The following ANKS1B variants were observed in gnomAD, a reference collection of about 807,000 sequenced individuals.
The protein encoded by ANKS1B is ankyrin repeat and sterile alpha motif domain containing 1B.
In ANKS1B, 36 loss-of-function variants were observed where a neutral mutation model predicts 148.3. That is an observed-to-expected ratio of 0.24 (90% CI 0.19 to 0.32). The LOEUF (loss-of-function observed/expected upper bound fraction) is 0.32, where lower values mean the gene tolerates loss of function less well. Ranked by LOEUF, ANKS1B falls within the 10% of genes least tolerant of loss-of-function variation. The pLI is 1.00. For synonymous variants in ANKS1B, 542 were observed against 560.8 expected, an observed-to-expected ratio of 0.97 and a Z score of 0.47; for missense variants, 1,157 against 1,542.6, an observed-to-expected ratio of 0.75 and a Z score of 4.19.
chr12:98,938,113 C>T (rs1021944943), intron 17 of ANKS1B, among the ~76,000 whole-genome samples: 13 of 152,182 alleles, frequency 8.5e-5, no homozygotes, highest in Non-Finnish European at 1.6e-4. Flanking sequence ...ACTGCCATGG[C>T]TTCTTAAATC....
intron 17 of ANKS1B, among the ~76,000 whole-genome samples, chr12:98,968,474 AC>A (rs1394749304): frequency 6.6e-6 from 1 of 152,014 alleles, no homozygotes; most frequent in East Asian, 1.9e-4. Context: ...AAACAAACAA[AC>A]AAAAAAATTA....
chr12:99,711,992 C>T (rs1243061713), intron 8 of ANKS1B, among the ~76,000 whole-genome samples: 4 of 152,176 alleles, frequency 2.6e-5, no homozygotes, highest in African/African-American at 7.2e-5. Flanking sequence ...GCTACCTATA[C>T]ACCATGGAAT....
At chr12:99,792,327 T>C (rs1007200270) in intron 4 of ANKS1B, among the ~76,000 whole-genome samples, 3 of 151,838 alleles carry the variant, frequency 2.0e-5, no homozygotes, top group African/African-American at 7.2e-5. Context: ...AAAAAACTAA[T>C]ACCAATCCTA....
At chr12:99,243,771 C>T (rs1397646572) in intron 14 of ANKS1B, among the ~76,000 whole-genome samples, 1 of 152,072 alleles carries the variant, frequency 6.6e-6, no homozygotes, top group Non-Finnish European at 1.5e-5. Context: ...CAAACTGTCA[C>T]AAGGACAGAA....
chr12:98,866,410 G>T (rs560550236), intron 17 of ANKS1B, among the ~76,000 whole-genome samples: 4 of 152,264 alleles, frequency 2.6e-5, no homozygotes, highest in African/African-American at 7.2e-5. Context: ...CACCGAGCTA[G>T]AATGACCTTT....
At chr12:99,192,865 C>A (rs2080916450) in intron 14 of ANKS1B, among the ~76,000 whole-genome samples, 1 of 151,884 alleles carries the variant, frequency 6.6e-6, no homozygotes, top group Admixed American at 6.6e-5. Flanking sequence ...ATAATAAATA[C>A]AATTTGAGTG....
intron 11 of ANKS1B, among the ~76,000 whole-genome samples, chr12:99,432,121 T>C (rs2152752428): frequency 6.6e-6 from 1 of 152,310 alleles, no homozygotes; most frequent in East Asian, 1.9e-4. Context: ...TGTTGTGATG[T>C]ATCACCAGCA....
chr12:99,196,126 G>C (rs773212576), intron 14 of ANKS1B, among the ~76,000 whole-genome samples: 3 of 152,034 alleles, frequency 2.0e-5, no homozygotes, highest in African/African-American at 7.2e-5. Context: ...TAATATTACT[G>C]GTGATTTTTA....
At chr12:98,896,965 A>G (rs2099765557) in intron 17 of ANKS1B, among the ~76,000 whole-genome samples, 1 of 152,212 alleles carries the variant, frequency 6.6e-6, no homozygotes, top group South Asian at 2.1e-4. Context: ...AAGAGCTGTC[A>G]TTTCTTGGCA....
chr12:98,934,791 G>A (rs1167657718), intron 17 of ANKS1B, among the ~76,000 whole-genome samples: 1 of 151,476 alleles, frequency 6.6e-6, no homozygotes, highest in Non-Finnish European at 1.5e-5. Context: ...AGAAATGCAA[G>A]TAATTTTTAT....
intron 1 of ANKS1B, among the ~76,000 whole-genome samples, chr12:99,940,040 T>C (rs1028979282): frequency 6.6e-6 from 1 of 152,224 alleles, no homozygotes; most frequent in South Asian, 2.1e-4. Context: ...AAATATTCAA[T>C]GTTGTGTGAC....
chr12:99,890,098 G>A (rs769413224), intron 1 of ANKS1B, among the ~76,000 whole-genome samples: 1 of 152,140 alleles, frequency 6.6e-6, no homozygotes, highest in South Asian at 2.1e-4. Flanking sequence ...GATTAACTCA[G>A]AGTTAGGTGA....
chr12:99,627,935 C>T (rs959758227), intron 9 of ANKS1B, among the ~76,000 whole-genome samples: 1 of 152,104 alleles, frequency 6.6e-6, no homozygotes, highest in African/African-American at 2.4e-5. Context: ...GGAAGAAGTA[C>T]CCATCTCGCA....
intron 1 of ANKS1B, among the ~76,000 whole-genome samples, chr12:99,951,624 C>T (rs1230845803): frequency 6.6e-6 from 1 of 151,938 alleles, no homozygotes; most frequent in Admixed American, 6.6e-5. Context: ...CCTATAATCT[C>T]AGCACTCTGG....
At position 99,154,304 on chromosome 12, in the gene ANKS1B, G is replaced by T; in HGVS notation, c.2511C>A (p.Asp837Glu). 1 of 1,613,676 alleles carries T rather than the reference G, an allele frequency of 6.2e-7. No homozygotes were observed. Among genetic ancestry groups the T allele is most frequent in the South Asian group, 1.1e-5 (1 of 91,088 alleles). The change falls in exon 15 of 27, where the codon GAC becomes GAA. Residue 837 changes from aspartate (D) to glutamate (E), a missense_variant. By Grantham distance (45) the Asp-to-Glu change is conservative. Transcript: ENST00000683438. ...YENHLMANGFDNVQFMGSNVM... is the reference protein window; with the variant it reads ...YENHLMANGFENVQFMGSNVM... ...AGCTTCTTACCATAAACTGCACATT[G>T]TCAAATCCATTAGCCATCAGGTGGT... is the stretch of plus-strand genomic sequence containing the variant.
intron 9 of ANKS1B, among the ~76,000 whole-genome samples, chr12:99,580,209 G>A (rs982822781): frequency 6.6e-6 from 1 of 152,096 alleles, no homozygotes; most frequent in African/African-American, 2.4e-5. Context: ...TAGAGGGTTG[G>A]AGGACTGTGA....
At chr12:98,793,327 A>G (rs535665820) in intron 22 of ANKS1B, among the ~76,000 whole-genome samples, 3 of 152,310 alleles carry the variant, frequency 2.0e-5, no homozygotes, top group Admixed American at 2.0e-4. Flanking sequence ...CCCATTTTAA[A>G]GTTGATTATT....
intron 16 of ANKS1B, among the ~76,000 whole-genome samples, chr12:99,084,471 G>C (rs1401282730): frequency 6.6e-6 from 1 of 152,160 alleles, no homozygotes; most frequent in Non-Finnish European, 1.5e-5. Flanking sequence ...AGTCTGGAAG[G>C]CCGAGGTGGG....
chr12:99,647,229 G>A (rs1356230171), intron 9 of ANKS1B, among the ~76,000 whole-genome samples: 2 of 152,014 alleles, frequency 1.3e-5, no homozygotes, highest in Non-Finnish European at 2.9e-5. Context: ...AAAAGGTCAG[G>A]GATATCTTTT....
Sources: gnomAD v4.1 joint callset for allele counts (sites outside exome capture counted in the v4.1 genomes callset) on GRCh38, gnomAD v4.1.1 for gene constraint, MANE v1.5 for transcripts, NCBI Gene and HGNC (gene_info 2026-07-23, HGNC 2026-07-21) for gene names.